The following ELL2 variants were observed in gnomAD, a reference collection of about 807,000 sequenced individuals.
ELL2 encodes RNA polymerase II elongation factor ELL2.
In ELL2, 21 loss-of-function variants were observed where a neutral mutation model predicts 72.8. The observed-to-expected ratio is 0.29, with a 90% CI of 0.20 to 0.42. ELL2 has a LOEUF of 0.42. ELL2 is among the 10% of genes least tolerant of loss of function. ELL2 has a pLI of 1.00. For missense variants in ELL2, 568 were observed against 772.8 expected (o/e 0.73, Z 3.14); for synonymous variants, 266 against 283.2 (o/e 0.94, Z 0.61).
chr5:95,919,737 T>C (rs912517265), intron 2 of ELL2, among the ~76,000 whole-genome samples, 192 bp from the exon 3 acceptor site: 7 of 152,338 alleles, frequency 4.6e-5, no homozygotes, highest in Admixed American at 2.0e-4. Flanking sequence ...CTTACCAGAT[T>C]CTTATTTCCA....
chr5:95,895,741 T>C (rs1561489272), intron 8 of ELL2, 50 bp from the exon 9 acceptor site: 2 of 1,374,678 alleles, frequency 1.5e-6, no homozygotes, highest in East Asian at 2.3e-5. Context: ...ACGAAGGTTA[T>C]CAAATGCCTG....
intron 5 of ELL2, among the ~76,000 whole-genome samples, chr5:95,905,302 T>G (rs1023397946): frequency 2.6e-5 from 4 of 152,086 alleles, no homozygotes; most frequent in Non-Finnish European, 5.9e-5. Flanking sequence ...CACAATCACA[T>G]AATTACTGCC....
In ELL2 at chr5:95,943,008, G is replaced by A; in HGVS notation, c.189C>T (p.Leu63=). Residue 63 remains leucine (L), a synonymous_variant, in exon 2 of 12, where the codon CTC becomes CTT. Coordinates refer to ENST00000237853, the MANE Select transcript of ELL2 (RefSeq NM_012081.6). ...AATCAATAAGAGTACTCACCCCGTGGAGTCCTTGGAACTGGATTGAAGGTC... is the reference window on the plus strand; with the variant it reads ...AATCAATAAGAGTACTCACCCCGTGAAGTCCTTGGAACTGGATTGAAGGTC... The part of the protein sequence containing the change: ...PFRPSIQFQG[L]HGLVKIPKND... 6.3e-7 allele frequency: 1 copy of A among 1,594,096 alleles called. No homozygotes were observed. The highest frequency in any genetic ancestry group is 8.5e-7 in the Non-Finnish European group (1 of 1,170,134).
At chr5:95,927,484 CGTGTGTATATAGACATACACACACGT>C in intron 2 of ELL2, among the ~76,000 whole-genome samples, 1 of 31,220 alleles carries the variant, frequency 3.2e-5, no homozygotes, top group Non-Finnish European at 5.1e-5. Context: ...CATACACACA[CGTGTGTATATAGACATACACACACGT>C]GTGTATATAG....
chr5:95,898,926 G>A, intron 7 of ELL2, 116 bp from the exon 8 acceptor site: 1 of 734,808 alleles, frequency 1.4e-6, no homozygotes, highest in Non-Finnish European at 2.0e-6. Flanking sequence ...TATTACCAGG[G>A]TTGTAATATT....
At chr5:95,918,891 CT>C (rs35459799) in intron 3 of ELL2, among the ~76,000 whole-genome samples, 1 of 104,344 alleles carries the variant, frequency 9.6e-6, no homozygotes, top group Non-Finnish European at 2.0e-5. Flanking sequence ...TTTTTTTTTT[CT>C]TTTTTTTTAA....
At chr5:95,902,428 TAG>T (rs540909257) in intron 5 of ELL2, among the ~76,000 whole-genome samples, 92 of 152,322 alleles carry the variant, frequency 6.0e-4, no homozygotes, top group African/African-American at 2.1e-3. Flanking sequence ...CTGCAATTCC[TAG>T]AGTTTCGCGG....
intron 2 of ELL2, among the ~76,000 whole-genome samples, chr5:95,940,033 T>C (rs1036119392): frequency 1.1e-4 from 17 of 152,300 alleles, no homozygotes; most frequent in African/African-American, 4.1e-4. Context: ...AGCAAAGCAA[T>C]TTTGGATGAT....
At chr5:95,905,750 T>G (rs1023683767) in intron 5 of ELL2, among the ~76,000 whole-genome samples, 43 of 151,432 alleles carry the variant, frequency 2.8e-4, no homozygotes, top group African/African-American at 9.9e-4. Context: ...CTGTAGGGTT[T>G]TTTTTTTTTT....
At chr5:95,931,765 A>G (rs567068300) in intron 2 of ELL2, among the ~76,000 whole-genome samples, 4 of 144,164 alleles carry the variant, frequency 2.8e-5, no homozygotes, top group African/African-American at 5.1e-5. Context: ...CTAGAAGGGT[A>G]GCAAACACTG....
At chr5:95,959,443 C>T (rs906420280) in intron 1 of ELL2, among the ~76,000 whole-genome samples, 2 of 152,188 alleles carry the variant, frequency 1.3e-5, no homozygotes, top group African/African-American at 4.8e-5. Flanking sequence ...TTCCTTCCCA[C>T]GCCCTTCCCT....
At chr5:95,957,131 A>AT (rs1318432693) in intron 1 of ELL2, among the ~76,000 whole-genome samples, 8 of 152,252 alleles carry the variant, frequency 5.3e-5, no homozygotes, top group African/African-American at 1.9e-4. Flanking sequence ...TTGAGTAAAC[A>AT]TTTTTTAAAA....
chr5:95,903,173 T>C (rs1460049883), intron 5 of ELL2, among the ~76,000 whole-genome samples: 2 of 147,188 alleles, frequency 1.4e-5, no homozygotes, highest in African/African-American at 5.0e-5. Context: ...GTTTTTGTAA[T>C]AGGACATTCT....
chr5:95,920,237 T>A (rs896327293), intron 2 of ELL2, among the ~76,000 whole-genome samples: 1 of 151,758 alleles, frequency 6.6e-6, no homozygotes, highest in African/African-American at 2.4e-5. Flanking sequence ...GAAGATGTAT[T>A]TTCTTTGTTG....
At chr5:95,919,126 A>C (rs191269290) in intron 3 of ELL2, among the ~76,000 whole-genome samples, 3 of 152,306 alleles carry the variant, frequency 2.0e-5, no homozygotes, top group Non-Finnish European at 1.5e-5. Flanking sequence ...TTCTAAAAAA[A>C]ATCCTCAAAT....
intron 1 of ELL2, among the ~76,000 whole-genome samples, chr5:95,945,343 G>A (rs182438817): frequency 2.0e-5 from 3 of 152,208 alleles, no homozygotes; most frequent in East Asian, 1.9e-4. Context: ...TCTATTAGTC[G>A]TTTACATACT....
Position 95,885,670 on chromosome 5 carries a change from C to A in ELL2, c.*3201G>T, listed in dbSNP as rs1319194237. 6.6e-6 allele frequency: 1 copy of A among 152,136 alleles called. No individual in the cohort carries two copies. Among genetic ancestry groups the A allele is most frequent in the Non-Finnish European group, 1.5e-5 (1 of 68,028 alleles). The allele number at this position is 152,136 out of a possible 1,614,324, so 9.4% of individuals were successfully genotyped here. Reference sequence around the variant, plus strand: ...ACTAATTTCAACATCTTCCAATATGCAAGCAGGCATTTGTTTTACATAAGG... The same window carrying A: ...ACTAATTTCAACATCTTCCAATATGAAAGCAGGCATTTGTTTTACATAAGG... On this transcript the variant is annotated 3_prime_UTR_variant, in exon 12 of 12. Coordinates refer to ENST00000237853, the MANE Select transcript of ELL2 (RefSeq NM_012081.6).
chr5:95,900,653 A>G (rs905482502), intron 7 of ELL2, 40 bp downstream of exon 7: 27 of 1,427,470 alleles, frequency 1.9e-5, no homozygotes, highest in Non-Finnish European at 2.6e-5. Flanking sequence ...GAGGCCCCTA[A>G]TATCTATGTC....
Position 95,906,548 on chromosome 5 carries a change from T to G in ELL2, c.716A>C (p.Asn239Thr). ...CTGTTGCAGAATTGCTCCCAGGGAG[T>G]TCTTGTCTTTTTGATTGACACCATC... is the stretch of plus-strand genomic sequence containing the variant. ...QKDGVNQKDK[N>T]SLGAILQQVA... Residue 239 changes from asparagine to threonine, a missense_variant, in exon 5 of 12, where the codon AAC becomes ACC. Physicochemically the swap from Asn to Thr is moderately conservative, Grantham distance 65. Coordinates refer to ENST00000237853, the MANE Select transcript of ELL2 (RefSeq NM_012081.6). 1 of 1,612,594 alleles carries G rather than the reference T, an allele frequency of 6.2e-7. No homozygotes were observed. The highest frequency in any genetic ancestry group is 8.5e-7 in the Non-Finnish European group (1 of 1,179,130).
Sources: gnomAD v4.1 joint callset for allele counts (sites outside exome capture counted in the v4.1 genomes callset) on GRCh38, gnomAD v4.1.1 for gene constraint, MANE v1.5 for transcripts, NCBI Gene and HGNC (gene_info 2026-07-23, HGNC 2026-07-21) for gene names.